RASIP1: variants seen among roughly 807,000 people sequenced by gnomAD.
RASIP1 encodes the protein Ras interacting protein 1, also known as ras-interacting protein 1.
In RASIP1, 20 loss-of-function variants were observed where a neutral mutation model predicts 85.3. The ratio of observed to expected loss-of-function variants is 0.23; its 90% CI spans 0.17 to 0.34. The LOEUF (loss-of-function observed/expected upper bound fraction) is 0.34. RASIP1 is among the 10% of genes least tolerant of loss of function. The probability of loss-of-function intolerance (pLI) is 1.00; values close to 1 mark genes in which losing one functional copy is unlikely to be tolerated. For synonymous variants in RASIP1, 617 were observed against 647.1 expected (o/e 0.95, Z 0.71); for missense variants, 1,170 against 1,390.9 (o/e 0.84, Z 2.53).
At position 48,729,449 on chromosome 19, in the gene RASIP1, G is replaced by T; in HGVS notation, c.1321C>A (p.Arg441Ser). ...PDILPRHCTVRAGPEHPAMVR... is the reference protein window; with the variant it reads ...PDILPRHCTVSAGPEHPAMVR... ...ATGGCCGGGTGCTCAGGGCCCGCGC[G>T]CACTGTGCAGTGACGCGGCAGGATG... Residue 441 changes from arginine to serine, a missense_variant, in exon 5 of 12, where the codon CGC becomes AGC. Physicochemically the swap from Arg to Ser is moderately radical, Grantham distance 110. This residue lies in a region of RASIP1 where 301 missense variants were observed against 294.8 expected (regional missense o/e 1.02). Transcript: ENST00000222145. The T allele has an allele frequency of 1.3e-6, 2 of 1,568,022 alleles. No homozygotes were observed. The highest frequency in any genetic ancestry group is 1.7e-6 in the Non-Finnish European group (2 of 1,157,210).
At chr19:48,735,687 TTC>T (rs1403532153) in intron 3 of RASIP1, 136 bp from the exon 4 acceptor site, 33 of 853,302 alleles carry the variant, frequency 3.9e-5, no homozygotes, top group Non-Finnish European at 5.6e-5. Flanking sequence ...CTTTTGCATA[TTC>T]TGTTCCCTGT....
At position 48,735,182 on chromosome 19, in the gene RASIP1, G is replaced by A; in HGVS notation, c.1179+14C>T. On this transcript the variant is annotated intron_variant, in intron 4 of 11. Coordinates refer to ENST00000222145, the MANE Select transcript of RASIP1 (RefSeq NM_017805.3). ...TATAGGGCTCTGGGCGTGCGGGGCT[G>A]GGGCGGCGGTTACCTGGGCGTCCTG... 3 of 1,595,180 alleles carry A rather than the reference G, an allele frequency of 1.9e-6. No homozygotes were observed. The South Asian group carries it at 3.4e-5, about 18-fold the overall frequency.
At chr19:48,730,402 T>G (rs2033434288) in intron 4 of RASIP1, among the ~76,000 whole-genome samples, 1 of 152,052 alleles carries the variant, frequency 6.6e-6, no homozygotes, top group Non-Finnish European at 1.5e-5. Flanking sequence ...GACCTTGTGA[T>G]CCGCCTGCCT....
At chr19:48,732,903 T>G (rs1269974646) in intron 4 of RASIP1, among the ~76,000 whole-genome samples, 1 of 152,210 alleles carries the variant, frequency 6.6e-6, no homozygotes, top group African/African-American at 2.4e-5. Context: ...CACCTTCTTT[T>G]TGTTTTTCAT....
chr19:48,720,926 T>C lies in RASIP1; in HGVS notation c.2764A>G (p.Thr922Ala). Reference sequence around the variant, plus strand: ...AAGGCATCGTCCGTCACTGGACCAGTGAGGCGCAGGCGCGAGCTCCCCAGG... The same window carrying C: ...AAGGCATCGTCCGTCACTGGACCAGCGAGGCGCAGGCGCGAGCTCCCCAGG... ...LPLGSSRLRL[T>A]GPVTDDALHR... Residue 922 changes from threonine to alanine, a missense_variant, in exon 12 of 12, where the codon ACT becomes GCT. Coordinates refer to ENST00000222145, the MANE Select transcript of RASIP1 (RefSeq NM_017805.3). 1 of 1,613,208 alleles carries C rather than the reference T, an allele frequency of 6.2e-7. No individual in the cohort carries two copies. Among genetic ancestry groups the C allele is most frequent in the Non-Finnish European group, 8.5e-7 (1 of 1,179,812 alleles).
intron 8 of RASIP1, chr19:48,725,207 C>T (rs1459986159): frequency 4.3e-5 from 20 of 461,124 alleles, no homozygotes; most frequent in South Asian, 2.9e-4. Flanking sequence ...GCAGAGACAG[C>T]TCAAGGAGGA....
At chr19:48,737,816 G>C in intron 3 of RASIP1, 1 of 983,212 alleles carries the variant, frequency 1.0e-6, no homozygotes, top group South Asian at 4.7e-5. Flanking sequence ...CCCCACCACA[G>C]GCCCCGCCCC....
chr19:48,733,303 G>A (rs1281481830), intron 4 of RASIP1, among the ~76,000 whole-genome samples: 1 of 152,314 alleles, frequency 6.6e-6, no homozygotes, highest in East Asian at 1.9e-4. Flanking sequence ...GGGATTACAG[G>A]AGTGAGCCAC....
chr19:48,740,438 G>C lies in RASIP1; in HGVS notation c.-5+83C>G. On this transcript the variant is annotated intron_variant, in intron 1 of 11. Coordinates refer to ENST00000222145, the MANE Select transcript of RASIP1 (RefSeq NM_017805.3). This position sits in a 1 kb window ranked among gnomAD's most constrained non-coding sequence, Gnocchi z 5.5. ...GAGGGATGGTACCCTGGATTCCTGGGTCCTGGGATGGAAGATGGCTGGGGG... is the reference window on the plus strand; with the variant it reads ...GAGGGATGGTACCCTGGATTCCTGGCTCCTGGGATGGAAGATGGCTGGGGG... 1 of 1,393,776 alleles carries C rather than the reference G, an allele frequency of 7.2e-7. No homozygotes were observed. Among genetic ancestry groups the C allele is most frequent in the Non-Finnish European group, 9.3e-7 (1 of 1,073,156 alleles). The allele number at this position is 1,393,776 out of a possible 1,614,324, so 86.3% of individuals were successfully genotyped here.
In RASIP1 at chr19:48,735,220, C is replaced by G; in HGVS notation, c.1155G>C (p.Leu385=). ...CCTGGGCGTCCTGGTAGCCCTGGAGCAGCAGGAAGTAGGGGCGGTTGCTGG... is the reference window on the plus strand; with the variant it reads ...CCTGGGCGTCCTGGTAGCCCTGGAGGAGCAGGAAGTAGGGGCGGTTGCTGG... The part of the protein sequence containing the change: ...QAPSNRPYFL[L]LQGYQDAQDF... The change falls in exon 4 of 12, where the codon CTG becomes CTC. Residue 385 remains leucine (L), a synonymous_variant. Transcript: ENST00000222145. 6.2e-7 allele frequency: 1 copy of G among 1,612,100 alleles called. No individual in the cohort carries two copies. The highest frequency in any genetic ancestry group is 8.5e-7 in the Non-Finnish European group (1 of 1,178,764).
At position 48,724,092 on chromosome 19, in the gene RASIP1, G is replaced by C. The variant is rs1252383972; in HGVS notation, c.2544+245C>G. 6.6e-6 allele frequency among the ~76,000 whole-genome samples: 1 copy of C among 152,254 alleles called. No individual in the cohort carries two copies. Among genetic ancestry groups the C allele is most frequent in the Admixed American group, 6.5e-5 (1 of 15,286 alleles). ...CAAAGTGTTGGGATTATAGGCGCGA[G>C]CCACTGCTCCTGGCCTGGAAACTAT... On this transcript the variant is annotated intron_variant, in intron 10 of 11. Coordinates refer to ENST00000222145, the MANE Select transcript of RASIP1 (RefSeq NM_017805.3). This position sits in a 1 kb window ranked among gnomAD's most constrained non-coding sequence, Gnocchi z 4.6.
At position 48,720,821 on chromosome 19, in the gene RASIP1, G is replaced by A. The variant is rs1490492768; in HGVS notation, c.2869C>T (p.Pro957Ser). The change falls in exon 12 of 12, where the codon CCT (proline) becomes TCT (serine). Residue 957 changes from proline to serine, a missense_variant. By Grantham distance (74) the Pro-to-Ser change is moderately conservative. Transcript: ENST00000222145. Reference protein sequence around the residue: ...QELPANYRHGPPVATSP With the variant: ...QELPANYRHGSPVATSP ...TCTCAAGGAGACGTGGCCACGGGAG[G>A]CCCATGGCGATAATTGGCTGGCAGC... The A allele has an allele frequency of 1.9e-6, 3 of 1,614,052 alleles. No individual in the cohort carries two copies. The South Asian group carries it at 3.3e-5, about 18-fold the overall frequency.
rs35424254 is a variant in RASIP1, at chr19:48,729,709, C to CTTTTTTTTTTTTTTTTT, written c.1180-136_1180-120dup. ...ACCAACTTTTTTTTTCCTTCTTCTT[C>CTTTTTTTTTTTTTTTTT]TTTTTTTTTTTTTTTTTTTTTTTGA... On this transcript the variant is annotated intron_variant, in intron 4 of 11. Coordinates refer to ENST00000222145, the MANE Select transcript of RASIP1 (RefSeq NM_017805.3). 22 of 381,374 alleles carry CTTTTTTTTTTTTTTTTT rather than the reference C, an allele frequency of 5.8e-5. No homozygotes were observed. In the African/African-American group the frequency reaches 8.0e-4, roughly 14 times the overall value. The allele number at this position is 381,374 out of a possible 1,614,324, so 23.6% of individuals were successfully genotyped here. A position where few individuals can be genotyped will look rare whatever the true frequency, so the allele number is the denominator to read the frequency against.
chr19:48,739,475 G>T lies in RASIP1; in HGVS notation c.308C>A (p.Ser103Tyr). Residue 103 changes from serine (S) to tyrosine (Y), a missense_variant, in exon 3 of 12, where the codon TCC becomes TAC. Ser to Tyr is a moderately radical substitution (Grantham distance 144). Around this residue, in one of 4 missense-constraint regions of RASIP1, gnomAD observed 299 missense variants for 394.4 expected, o/e 0.76. Coordinates refer to ENST00000222145, the MANE Select transcript of RASIP1 (RefSeq NM_017805.3). The surrounding 1 kb of genome is among the most constrained non-coding windows in gnomAD (Gnocchi z 9.2). The part of the protein sequence containing the change: ...FRGSGTGTTG[S>Y]SGAGGPGTPG... ...GGTCCCAGGGCCTCCTGCGCCGCTG[G>T]ACCCCGTGGTCCCGGTCCCCGAGCC... 6.7e-7 allele frequency: 1 copy of T among 1,489,296 alleles called. No homozygotes were observed. Among genetic ancestry groups the T allele is most frequent in the African/African-American group, 1.5e-5 (1 of 68,808 alleles). 92.3% of individuals were successfully genotyped at this position (1,489,296 alleles called of 1,614,324 possible). A position where few individuals can be genotyped will look rare whatever the true frequency, so the allele number is the denominator to read the frequency against.
rs553482091 is a variant in RASIP1 at position 48,724,237 on chromosome 19, G to A, written c.2544+100C>T. 12 of 1,292,822 alleles carry A rather than the reference G, an allele frequency of 9.3e-6. No homozygotes were observed. In the Admixed American group the frequency reaches 9.6e-5, roughly 10 times the overall value. The allele number at this position is 1,292,822 out of a possible 1,614,324, so 80.1% of individuals were successfully genotyped here. A position where few individuals can be genotyped will look rare whatever the true frequency, so the allele number is the denominator to read the frequency against. On this transcript the variant is annotated intron_variant, in intron 10 of 11. Transcript: ENST00000222145. This position sits in a 1 kb window ranked among gnomAD's most constrained non-coding sequence, Gnocchi z 4.6. ...TGAGCTGGGGCTGGGGATGGCATGG[G>A]GTTCAAGGGGAGCTCTGACGGTGAG...
chr19:48,731,362 C>T (rs1237228553), intron 4 of RASIP1, among the ~76,000 whole-genome samples: 2 of 152,098 alleles, frequency 1.3e-5, no homozygotes, highest in Non-Finnish European at 1.5e-5. Context: ...TCCCACTCCC[C>T]CAACGGAGGA....
Position 48,735,283 on chromosome 19 carries a change from C to T in RASIP1, c.1092G>A (p.Gly364=). ...ADAQIGTADP[G]DFDQLTQCLI... is the part of the protein sequence containing the mutation. ...GGCACTGAGTCAACTGATCGAAGTC[C>T]CCGGGGTCTGCAGTTCCGATTTGGG... The change falls in exon 4 of 12, where the codon GGG becomes GGA. Residue 364 remains glycine, a synonymous_variant. Transcript: ENST00000222145. 1.2e-6 allele frequency: 2 copies of T among 1,614,076 alleles called. No homozygotes were observed. Among genetic ancestry groups the T allele is most frequent in the Non-Finnish European group, 1.7e-6 (2 of 1,179,996 alleles).
Position 48,729,194 on chromosome 19 carries a change from C to T in RASIP1, c.1576G>A (p.Gly526Ser), listed in dbSNP as rs1474454451. The change falls in exon 5 of 12, where the codon GGC becomes AGC. Residue 526 changes from glycine (G) to serine (S), a missense_variant. By Grantham distance (56) the Gly-to-Ser change is moderately conservative. Transcript: ENST00000222145. ...WAFSCRLCGR[G>S]LQERGEALAA... Reference sequence around the variant, plus strand: ...AGTGCCTCGCCGCGCTCCTGCAGGCCGCGGCCGCACAGGCGACAGGAGAAG... The same window carrying T: ...AGTGCCTCGCCGCGCTCCTGCAGGCTGCGGCCGCACAGGCGACAGGAGAAG... 3.1e-6 allele frequency: 4 copies of T among 1,285,566 alleles called. No individual in the cohort carries two copies. The highest frequency in any genetic ancestry group is 4.2e-5 in the South Asian group (2 of 47,136). The allele number at this position is 1,285,566 out of a possible 1,614,324, so 79.6% of individuals were successfully genotyped here.
At chr19:48,737,638 A>C in intron 3 of RASIP1, 2 of 985,330 alleles carry the variant, frequency 2.0e-6, no homozygotes, top group Non-Finnish European at 2.4e-6. Flanking sequence ...CTCACTCTGC[A>C]GGTGTCGCCC....
Sources: gnomAD v4.1 joint callset for allele counts (sites outside exome capture counted in the v4.1 genomes callset) on GRCh38, gnomAD v4.1.1 for gene constraint, gnomAD v4.1.1 regional missense constraint, Gnocchi (gnomAD v3.1) non-coding constraint, MANE v1.5 for transcripts, NCBI Gene and HGNC (gene_info 2026-07-23, HGNC 2026-07-21) for gene names.